Variants in TTC39C observed in about 807,000 individuals in gnomAD.
The protein encoded by TTC39C is tetratricopeptide repeat domain 39C, also known as tetratricopeptide repeat protein 39C.
In TTC39C, 33 loss-of-function variants were observed where a neutral mutation model predicts 76.3. That is an observed-to-expected ratio of 0.43 (90% CI 0.33 to 0.58). The LOEUF (loss-of-function observed/expected upper bound fraction) is 0.58, where lower values mean the gene tolerates loss of function less well. TTC39C is among the 20% of genes least tolerant of loss of function. The pLI is 0.04. For synonymous variants in TTC39C, 254 were observed against 260.6 expected (o/e 0.97, Z 0.24); for missense variants, 595 against 701.4 (o/e 0.85, Z 1.71).
At chr18:24,066,521 G>A (rs747510590) in intron 3 of TTC39C, among the ~76,000 whole-genome samples, 47 of 152,082 alleles carry the variant, frequency 3.1e-4, no homozygotes, top group Non-Finnish European at 6.6e-4. Context: ...TTTTCCCCAG[G>A]CCTCACCAGC....
intron 1 of TTC39C, among the ~76,000 whole-genome samples, chr18:24,025,436 T>C (rs1005786638): frequency 2.6e-5 from 4 of 152,258 alleles, no homozygotes; most frequent in Admixed American, 2.6e-4. Flanking sequence ...AGTGTTGCTG[T>C]TGGTGACATG....
chr18:24,071,544 T>C (rs78572571), intron 4 of TTC39C, among the ~76,000 whole-genome samples: 3,263 of 152,308 alleles, frequency 0.021, 109 homozygotes, highest in African/African-American at 0.07. Context: ...TTTTGCAAAA[T>C]TGAATCTAAA....
chr18:24,040,497 A>G (rs1172858217), intron 1 of TTC39C, among the ~76,000 whole-genome samples: 1 of 152,196 alleles, frequency 6.6e-6, no homozygotes, highest in East Asian at 1.9e-4. Flanking sequence ...TTTTTCATAC[A>G]TGTCATGTTT....
chr18:24,096,132 T>C (rs2084585813), intron 6 of TTC39C, among the ~76,000 whole-genome samples: 1 of 152,180 alleles, frequency 6.6e-6, no homozygotes, highest in Admixed American at 6.5e-5. Flanking sequence ...ATTTGAAGTA[T>C]TGGGAGAATT....
intron 1 of TTC39C, among the ~76,000 whole-genome samples, chr18:24,041,432 A>G (rs913383584): frequency 6.6e-6 from 1 of 152,218 alleles, no homozygotes; most frequent in Non-Finnish European, 1.5e-5. Context: ...AGCACAAGCC[A>G]ATAGTCCAGC....
At chr18:23,996,965 T>C (rs1247559670) in intron 1 of TTC39C, among the ~76,000 whole-genome samples, 1 of 151,994 alleles carries the variant, frequency 6.6e-6, no homozygotes, top group Non-Finnish European at 1.5e-5. Context: ...AAAAACTAGC[T>C]GGATATGGTG....
intron 6 of TTC39C, among the ~76,000 whole-genome samples, chr18:24,088,510 C>T (rs1025058886): frequency 4.0e-4 from 61 of 152,310 alleles, no homozygotes; most frequent in Middle Eastern, 6.8e-3. Flanking sequence ...AGTCCTGCAA[C>T]GTTGAAGTCA....
intron 1 of TTC39C, among the ~76,000 whole-genome samples, chr18:24,006,092 A>C (rs2083349876): frequency 6.6e-6 from 1 of 151,108 alleles, no homozygotes; most frequent in Non-Finnish European, 1.5e-5. Flanking sequence ...GGCTCACTGC[A>C]GCCTCAACCT....
At chr18:24,121,412 T>C (rs1014561022) in intron 8 of TTC39C, among the ~76,000 whole-genome samples, 12 of 152,066 alleles carry the variant, frequency 7.9e-5, no homozygotes, top group African/African-American at 2.9e-4. Context: ...AAACTCCATC[T>C]CTACTAAAAA....
intron 1 of TTC39C, among the ~76,000 whole-genome samples, chr18:24,024,063 G>A (rs1374798097): frequency 7.5e-6 from 1 of 132,912 alleles, no homozygotes; most frequent in Admixed American, 7.8e-5. Context: ...TCCCAGGCTG[G>A]AGTGCAATGG....
At chr18:23,997,665 A>AGAAAGAAAGAAG (rs2083276142) in intron 1 of TTC39C, among the ~76,000 whole-genome samples, 5 of 118,590 alleles carry the variant, frequency 4.2e-5, no homozygotes, top group South Asian at 3.0e-4. Context: ...AAAGAAAGAA[A>AGAAAGAAAGAAG]GAAAGAAAGA....
rs953678295 is a variant in TTC39C, at chr18:24,004,033, G to C, written c.-17+10995G>C. On this transcript the variant is annotated intron_variant, in intron 1 of 13. Coordinates refer to the TTC39C transcript ENST00000304621. Reference sequence around the variant, plus strand: ...CTCGGAGCACTGGGATTACAGGGGTGAGCCACCACACCACACCCAGCATTT... The same window carrying C: ...CTCGGAGCACTGGGATTACAGGGGTCAGCCACCACACCACACCCAGCATTT... Among the ~76,000 whole-genome samples the C allele has an allele frequency of 3.3e-5, 5 of 152,174 alleles. No individual in the cohort carries two copies. The East Asian group carries it at 7.7e-4, about 23-fold the overall frequency.
At chr18:24,018,284 C>A (rs2083478183) in intron 1 of TTC39C, among the ~76,000 whole-genome samples, 1 of 152,128 alleles carries the variant, frequency 6.6e-6, no homozygotes, top group Non-Finnish European at 1.5e-5. Context: ...GAACCCAAGT[C>A]CATGTGTTTG....
chr18:24,016,156 C>T (rs2083452124), intron 1 of TTC39C, among the ~76,000 whole-genome samples: 1 of 152,200 alleles, frequency 6.6e-6, no homozygotes, highest in Non-Finnish European at 1.5e-5. Flanking sequence ...GCAAGTATCT[C>T]ACAACTGTGA....
chr18:24,001,972 C>T (rs1444603095), intron 1 of TTC39C, among the ~76,000 whole-genome samples: 6 of 151,992 alleles, frequency 3.9e-5, no homozygotes, highest in Non-Finnish European at 7.4e-5. Flanking sequence ...ACTACAGGCG[C>T]CCGCCACCAC....
At chr18:24,092,295 A>T (rs2084532698) in intron 6 of TTC39C, among the ~76,000 whole-genome samples, 1 of 152,062 alleles carries the variant, frequency 6.6e-6, no homozygotes, top group Non-Finnish European at 1.5e-5. Context: ...ATGCAGAGTG[A>T]TTGGAACCCT....
At chr18:24,004,156 G>T (rs769365739) in intron 1 of TTC39C, among the ~76,000 whole-genome samples, 1 of 152,198 alleles carries the variant, frequency 6.6e-6, no homozygotes, top group Non-Finnish European at 1.5e-5. Context: ...TACTAGAGGT[G>T]GTTACCTTTC....
chr18:24,058,248 C>A (rs755506175), intron 1 of TTC39C, among the ~76,000 whole-genome samples: 2 of 152,124 alleles, frequency 1.3e-5, no homozygotes, highest in African/African-American at 4.8e-5. Context: ...CATTTGTACA[C>A]CAAACATCTG....
chr18:24,092,883 G>A (rs934207257), intron 6 of TTC39C, among the ~76,000 whole-genome samples: 10 of 152,100 alleles, frequency 6.6e-5, no homozygotes, highest in Admixed American at 1.3e-4. Context: ...CCAGAAGTTT[G>A]ATACAAGCCT....
Sources: gnomAD v4.1 joint callset for allele counts (sites outside exome capture counted in the v4.1 genomes callset) on GRCh38, gnomAD v4.1.1 for gene constraint, MANE v1.5 for transcripts, NCBI Gene and HGNC (gene_info 2026-07-23, HGNC 2026-07-21) for gene names.